GPHN: variants seen among roughly 807,000 people sequenced by gnomAD.
GPHN encodes gephyrin.
In GPHN, 17 loss-of-function variants were observed where a neutral mutation model predicts 95.5. The observed-to-expected ratio is 0.18, with a 90% confidence interval of 0.12 to 0.27. The LOEUF (loss-of-function observed/expected upper bound fraction) is 0.27. Among genes scored for constraint, GPHN ranks in the 10% least tolerant of loss-of-function variants. The pLI is 1.00. For missense variants in GPHN, 660 were observed against 978.1 expected (o/e 0.67, Z 4.34); for synonymous variants, 320 against 322.5 (o/e 0.99, Z 0.08).
chr14:67,306,488 C>T, the GPHN span, among the ~76,000 whole-genome samples: 2 of 151,416 alleles, frequency 1.3e-5, no homozygotes, highest in South Asian at 2.1e-4. Flanking sequence ...GGATTACAGG[C>T]GCCCGCCACC....
chr14:66,545,433 GCTC>G (rs2059528721), intron 1 of GPHN, among the ~76,000 whole-genome samples: 1 of 138,372 alleles, frequency 7.2e-6, no homozygotes, highest in Non-Finnish European at 1.6e-5. Context: ...GGGCAGAGGG[GCTC>G]CTCACTTTCC....
chr14:66,572,411 A>C (rs1380121070), intron 1 of GPHN, among the ~76,000 whole-genome samples: 2 of 151,298 alleles, frequency 1.3e-5, no homozygotes, highest in African/African-American at 4.9e-5. Flanking sequence ...CTGTGTCTTA[A>C]ATTTTTTTGT....
chr14:66,766,954 C>T (rs923480247), intron 2 of GPHN, among the ~76,000 whole-genome samples: 3 of 151,964 alleles, frequency 2.0e-5, no homozygotes, highest in African/African-American at 2.4e-5. Context: ...AAAAACTTAG[C>T]GTCCCTGTTG....
At position 67,089,035 on chromosome 14, in the gene GPHN, C is replaced by A; in HGVS notation, c.1197C>A (p.Pro399=). Residue 399 remains proline, a synonymous_variant, in exon 12 of 23, where the codon CCC becomes CCA. Transcript: ENST00000478722. ...ATGTATATGCAAAAGACAATTTACC[C>A]CCCTTCCCAGCATCAGTAAAAGATG... ...AQDVYAKDNL[P]PFPASVKDGY... 1 of 1,605,220 alleles carries A rather than the reference C, an allele frequency of 6.2e-7. No homozygotes were observed. The highest frequency in any genetic ancestry group is 8.5e-7 in the Non-Finnish European group (1 of 1,172,038).
chr14:66,914,747 A>G (rs919827970), intron 5 of GPHN, among the ~76,000 whole-genome samples: 1 of 152,060 alleles, frequency 6.6e-6, no homozygotes, highest in Non-Finnish European at 1.5e-5. Flanking sequence ...TGACATTCCA[A>G]TCATATTACT....
the GPHN span, among the ~76,000 whole-genome samples, chr14:67,489,251 C>G: frequency 6.6e-6 from 1 of 152,152 alleles, no homozygotes; most frequent in Non-Finnish European, 1.5e-5. Context: ...TTGGCCAAAT[C>G]CAAACATTTG....
chr14:66,925,292 T>G (rs145514424), intron 8 of GPHN, among the ~76,000 whole-genome samples: 1 of 152,200 alleles, frequency 6.6e-6, no homozygotes, highest in Non-Finnish European at 1.5e-5. Flanking sequence ...CCAATTGTAT[T>G]CCCTAATTTA....
chr14:67,202,920 C>A, the GPHN span: 1 of 236,032 alleles, frequency 4.2e-6, no homozygotes, highest in Non-Finnish European at 6.9e-6. Flanking sequence ...GGGTCAGAGG[C>A]TGTGTCTGTT....
the GPHN span, among the ~76,000 whole-genome samples, chr14:67,325,022 A>C: frequency 6.9e-6 from 1 of 144,524 alleles, no homozygotes; most frequent in Admixed American, 7.3e-5. Context: ...CTCCTGCCTC[A>C]GCCTCCCTAG....
Position 66,508,414 on chromosome 14 carries a change from G to C in GPHN, c.-114G>C. ...CCCCCTCCTTCCCCGCTCTCCTCGC[G>C]CTTCTCTGGCTCCCTAGCTGTCGCG... On this transcript the variant is annotated 5_prime_UTR_variant, in exon 1 of 23. Coordinates refer to ENST00000478722, the MANE Select transcript of GPHN (RefSeq NM_020806.5). The C allele has an allele frequency of 1.1e-6, 1 of 927,730 alleles. No homozygotes were observed. The highest frequency in any genetic ancestry group is 1.7e-5 in the Admixed American group (1 of 58,836). 57.5% of individuals were successfully genotyped at this position (927,730 alleles called of 1,614,324 possible). A position where few individuals can be genotyped will look rare whatever the true frequency, so the allele number is the denominator to read the frequency against.
chr14:67,190,342 G>A, the GPHN span, among the ~76,000 whole-genome samples: 1 of 151,306 alleles, frequency 6.6e-6, no homozygotes, highest in Admixed American at 6.6e-5. Flanking sequence ...TCGTGCCTCA[G>A]CCTCCCAAGT....
intron 4 of GPHN, among the ~76,000 whole-genome samples, chr14:66,851,169 C>T (rs1307000162): frequency 6.6e-6 from 1 of 151,260 alleles, no homozygotes; most frequent in Non-Finnish European, 1.5e-5. Flanking sequence ...AAAAAAAACC[C>T]ACAAATAGTA....
At chr14:67,417,938 G>T in the GPHN span, among the ~76,000 whole-genome samples, 1 of 151,522 alleles carries the variant, frequency 6.6e-6, no homozygotes, top group Non-Finnish European at 1.5e-5. Flanking sequence ...AGAGACAGAG[G>T]TCTCCCTGTG....
chr14:67,150,150 A>T (rs1567409624), intron 18 of GPHN, among the ~76,000 whole-genome samples: 1 of 152,150 alleles, frequency 6.6e-6, no homozygotes, highest in African/African-American at 2.4e-5. Context: ...AACTATTAAC[A>T]TTGTAAGGTT....
chr14:66,909,731 AAGAC>A (rs752569909), intron 5 of GPHN, among the ~76,000 whole-genome samples: 2 of 152,026 alleles, frequency 1.3e-5, no homozygotes, highest in Non-Finnish European at 2.9e-5. Context: ...AGTTAGGAAT[AAGAC>A]AGAGTCCAAG....
the GPHN span, among the ~76,000 whole-genome samples, chr14:67,308,205 C>A: frequency 6.7e-6 from 1 of 149,788 alleles, no homozygotes; most frequent in Non-Finnish European, 1.5e-5. Context: ...TGTAACAAAC[C>A]TGCAGTTGGA....
chr14:66,539,409 CTTTTTTTTTTT>C lies in GPHN; in HGVS notation c.64+30830_64+30840del, dbSNP rs1000117893. On this transcript the variant is annotated intron_variant, in intron 1 of 22. Coordinates refer to ENST00000478722, the MANE Select transcript of GPHN (RefSeq NM_020806.5). ...AAAAAGCTCAGCTGCTTTCTACTTTCTTTTTTTTTTTTTTTTTTTTTTGAGACAGAGTTTCG... is the reference window on the plus strand; with the variant it reads ...AAAAAGCTCAGCTGCTTTCTACTTTCTTTTTTTTTTTGAGACAGAGTTTCG... Among the ~76,000 whole-genome samples, 9 of 101,844 alleles carry C rather than the reference CTTTTTTTTTTT, an allele frequency of 8.8e-5. No individual in the cohort carries two copies. In the Admixed American group the frequency reaches 9.6e-4, roughly 11 times the overall value. 66.8% of individuals were successfully genotyped at this position (101,844 alleles called of 152,430 possible).
At chr14:67,650,959 C>T in the GPHN span, 2 of 1,588,176 alleles carry the variant, frequency 1.3e-6, no homozygotes, top group East Asian at 4.5e-5. Context: ...ACAGGCATTC[C>T]AGAATTATGA....
At chr14:66,582,707 C>T (rs1176128885) in intron 1 of GPHN, among the ~76,000 whole-genome samples, 4 of 152,102 alleles carry the variant, frequency 2.6e-5, no homozygotes, top group Non-Finnish European at 1.5e-5. Flanking sequence ...CTACAAAGGA[C>T]ATGAACTCAT....
Sources: allele counts gnomAD v4.1 joint callset (sites outside exome capture counted in the v4.1 genomes callset), GRCh38; gene constraint gnomAD v4.1.1; transcripts MANE v1.5; gene names NCBI Gene and HGNC (gene_info 2026-07-23, HGNC 2026-07-21).